The following RASGRF1 variants were observed in gnomAD, a reference collection of about 807,000 sequenced individuals.
RASGRF1 encodes the protein ras-specific guanine nucleotide-releasing factor 1.
RASGRF1 carries 40 observed loss-of-function variants against 138.7 expected under a neutral mutation model. That is an observed-to-expected ratio of 0.29 (90% CI 0.22 to 0.38). The LOEUF is 0.38. Among genes scored for constraint, RASGRF1 ranks in the 10% least tolerant of loss-of-function variants. RASGRF1 has a pLI of 1.00. For missense variants in RASGRF1, 1,108 were observed against 1,650.4 expected (o/e 0.67, Z 5.69); for synonymous variants, 614 against 663.2 (o/e 0.93, Z 1.14).
At chr15:79,004,316 G>T in intron 14 of RASGRF1, 141 bp from the exon 15 acceptor site, 1 of 1,130,312 alleles carries the variant, frequency 8.8e-7, no homozygotes, top group Non-Finnish European at 1.2e-6. Flanking sequence ...TACTTGAGCT[G>T]ATCCTCTGAG....
chr15:78,999,118 G>A (rs1286574793), intron 17 of RASGRF1, among the ~76,000 whole-genome samples: 1 of 148,574 alleles, frequency 6.7e-6, no homozygotes, highest in East Asian at 1.9e-4. Context: ...GGCCTCCCCA[G>A]GGAACAGAGC....
intron 18 of RASGRF1, among the ~76,000 whole-genome samples, chr15:78,998,496 T>C (rs1049252780): frequency 6.6e-6 from 1 of 152,202 alleles, no homozygotes; most frequent in African/African-American, 2.4e-5. Context: ...GCAGGGTGGA[T>C]AGACAGAGAC....
chr15:79,047,669 G>A (rs1272673771), intron 4 of RASGRF1, among the ~76,000 whole-genome samples: 1 of 152,200 alleles, frequency 6.6e-6, no homozygotes, highest in Non-Finnish European at 1.5e-5. Context: ...TAACTCAGTT[G>A]CCTTGGAGCT....
chr15:78,982,194 T>C (rs1005814193), intron 23 of RASGRF1, among the ~76,000 whole-genome samples: 2 of 152,120 alleles, frequency 1.3e-5, no homozygotes, highest in Non-Finnish European at 2.9e-5. Flanking sequence ...TCTAGAATTG[T>C]GGAAGACACA....
At chr15:79,059,446 A>C in intron 2 of RASGRF1, among the ~76,000 whole-genome samples, 1 of 131,252 alleles carries the variant, frequency 7.6e-6, no homozygotes, top group Non-Finnish European at 1.6e-5. Flanking sequence ...ATCCTTCCCT[A>C]TCCTTCTATC....
At chr15:78,986,644 G>C (rs1285932585) in intron 22 of RASGRF1, among the ~76,000 whole-genome samples, 1 of 151,936 alleles carries the variant, frequency 6.6e-6, no homozygotes, top group Non-Finnish European at 1.5e-5. Context: ...ACCGCGCCCG[G>C]CCTTTGTGAC....
At position 79,004,103 on chromosome 15, in the gene RASGRF1, G is replaced by A. The variant is rs144984287; in HGVS notation, c.2148C>T (p.Arg716=). Residue 716 remains arginine, a synonymous_variant, in exon 15 of 27, where the codon CGC becomes CGT. Coordinates refer to ENST00000558480, the MANE Select transcript of RASGRF1 (RefSeq NM_001145648.3). ...LLYGEPPKSP[R]ATRKFSSPPP... ...GCGGCGAGGAGAACTTGCGGGTGGC[G>A]CGCGGGGACTTGGGGGGTTCACCGT... is the stretch of plus-strand genomic sequence containing the variant. 7.0e-5 allele frequency: 113 copies of A among 1,613,812 alleles called. No individual in the cohort carries two copies. The African/African-American group carries it at 7.3e-4, about 10-fold the overall frequency.
intron 8 of RASGRF1, among the ~76,000 whole-genome samples, 186 bp downstream of exon 8, chr15:79,031,214 G>C (rs896589942): frequency 6.6e-6 from 1 of 152,162 alleles, no homozygotes; most frequent in Non-Finnish European, 1.5e-5. Context: ...GCCTACCGGG[G>C]CTTGAGTTGT....
chr15:78,996,248 A>G (rs11632108), intron 19 of RASGRF1, among the ~76,000 whole-genome samples: 22,064 of 152,222 alleles, frequency 0.14, 1,655 homozygotes, highest in Admixed American at 0.16. Context: ...GAGGGACTGC[A>G]AGGATGGAAT....
chr15:78,991,016 T>C (rs1449011925), intron 21 of RASGRF1, among the ~76,000 whole-genome samples: 1 of 152,218 alleles, frequency 6.6e-6, no homozygotes, highest in Non-Finnish European at 1.5e-5. Flanking sequence ...TGAGCCCAAT[T>C]CTGGGAAACC....
chr15:78,976,026 G>A (rs2055863340), intron 24 of RASGRF1, among the ~76,000 whole-genome samples: 1 of 152,190 alleles, frequency 6.6e-6, no homozygotes, highest in Admixed American at 6.5e-5. Flanking sequence ...AGGATGGAAG[G>A]GAGAACGGGA....
Position 79,017,912 on chromosome 15 carries a change from A to C in RASGRF1, c.1607-6T>G. On this transcript the variant is annotated splice_region_variant and splice_polypyrimidine_tract_variant and intron_variant, in intron 11 of 26. Transcript: ENST00000558480. ...GTCTTGGCCGGATCCTTTGGCTTCC[A>C]GTTGTAAAACATAAAGTTAGCAGCA... is the stretch of plus-strand genomic sequence containing the variant. 1 of 1,611,612 alleles carries C rather than the reference A, an allele frequency of 6.2e-7. No homozygotes were observed. Among genetic ancestry groups the C allele is most frequent in the Non-Finnish European group, 8.5e-7 (1 of 1,179,268 alleles).
intron 5 of RASGRF1, among the ~76,000 whole-genome samples, chr15:79,035,474 A>G (rs1490631855): frequency 6.6e-6 from 1 of 152,242 alleles, no homozygotes; most frequent in Admixed American, 6.5e-5. Flanking sequence ...AGGCTCGTCT[A>G]TGCATGGGGT....
At chr15:79,031,843 G>C (rs2057143711) in intron 7 of RASGRF1, among the ~76,000 whole-genome samples, 1 of 152,108 alleles carries the variant, frequency 6.6e-6, no homozygotes, top group African/African-American at 2.4e-5. Context: ...TTTGGTCACA[G>C]ACTCTAACTT....
chr15:79,086,588 A>C (rs2057983964), intron 1 of RASGRF1, among the ~76,000 whole-genome samples: 1 of 142,150 alleles, frequency 7.0e-6, no homozygotes, highest in African/African-American at 2.6e-5. Context: ...CCCCCCCCCC[A>C]GCTTCTGGGA....
Position 79,055,956 on chromosome 15 carries a change from T to C in RASGRF1, c.531+2378A>G, listed in dbSNP as rs187090507. ...AGCGACACAGCCCGTCCTTATGGAG[T>C]TCCTGCCAGGCCTGTTGGGGTGACA... On this transcript the variant is annotated intron_variant, in intron 3 of 26. Transcript: ENST00000558480. Among the ~76,000 whole-genome samples, 112 of 151,976 alleles carry C rather than the reference T, an allele frequency of 7.4e-4. 1 individual carries two copies. Among genetic ancestry groups the C allele is most frequent in the East Asian group, 1.9e-3 (10 of 5,152 alleles).
intron 8 of RASGRF1, among the ~76,000 whole-genome samples, chr15:79,030,742 T>C (rs2057124893): frequency 6.6e-6 from 1 of 152,240 alleles, no homozygotes; most frequent in African/African-American, 2.4e-5. Context: ...CAGAAAATCC[T>C]GTTGGTTCCA....
intron 3 of RASGRF1, among the ~76,000 whole-genome samples, chr15:79,052,455 C>T (rs908824036): frequency 6.6e-6 from 1 of 152,170 alleles, no homozygotes; most frequent in Non-Finnish European, 1.5e-5. Flanking sequence ...CCAACAGGTG[C>T]CCCCCATCTC....
intron 22 of RASGRF1, among the ~76,000 whole-genome samples, chr15:78,988,241 T>G (rs1385465709): frequency 6.6e-6 from 1 of 152,228 alleles, no homozygotes; most frequent in Non-Finnish European, 1.5e-5. Context: ...ATGATGCTTT[T>G]GAAGCACAGC....
Sources: gnomAD v4.1 joint callset for allele counts (sites outside exome capture counted in the v4.1 genomes callset) on GRCh38, gnomAD v4.1.1 for gene constraint, MANE v1.5 for transcripts, NCBI Gene and HGNC (gene_info 2026-07-23, HGNC 2026-07-21) for gene names.